Variants in CNBD1 observed in about 807,000 individuals in gnomAD.
CNBD1 encodes cyclic nucleotide-binding domain-containing protein 1.
A neutral mutation model predicts 54.4 loss-of-function variants in CNBD1; 71 were observed. The ratio of observed to expected loss-of-function variants is 1.30; its 90% CI spans 1.08 to 1.59. The LOEUF (loss-of-function observed/expected upper bound fraction) is 1.59, where lower values mean the gene tolerates loss of function less well. CNBD1 is among the 40% of genes most tolerant of loss of function. The pLI, the probability that CNBD1 is intolerant of heterozygous loss-of-function variation, is 0.00. For synonymous variants in CNBD1, 182 were observed against 170.7 expected (o/e 1.07, Z -0.51); for missense variants, 659 against 518.0 (o/e 1.27, Z -2.64).
chr8:87,298,867 G>C (rs1808933250), intron 8 of CNBD1, among the ~76,000 whole-genome samples: 1 of 152,074 alleles, frequency 6.6e-6, no homozygotes, highest in South Asian at 2.1e-4. Flanking sequence ...CTCTGTGTCA[G>C]CTACTTTCTA....
intron 8 of CNBD1, among the ~76,000 whole-genome samples, chr8:87,308,839 A>G (rs1186917905): frequency 6.6e-6 from 1 of 152,100 alleles, no homozygotes; most frequent in African/African-American, 2.4e-5. Flanking sequence ...AGAACATGCA[A>G]TATATGTCTT....
intron 4 of CNBD1, among the ~76,000 whole-genome samples, chr8:87,149,856 A>G (rs1320908271): frequency 6.6e-6 from 1 of 152,142 alleles, no homozygotes; most frequent in African/African-American, 2.4e-5. Flanking sequence ...ATCATGAGAA[A>G]ATAGAAGATA....
chr8:87,226,530 T>C (rs1814497426), intron 5 of CNBD1, among the ~76,000 whole-genome samples: 1 of 147,088 alleles, frequency 6.8e-6, no homozygotes, highest in Admixed American at 6.7e-5. Context: ...GGTTGTTCAG[T>C]TTCCATGTAG....
chr8:87,326,965 T>C (rs1266913862), intron 8 of CNBD1, among the ~76,000 whole-genome samples: 50 of 136,630 alleles, frequency 3.7e-4, no homozygotes, highest in Non-Finnish European at 5.1e-4. Flanking sequence ...ATGATGGTGA[T>C]GTACAGATGG....
intron 6 of CNBD1, among the ~76,000 whole-genome samples, chr8:87,281,999 G>A (rs1308097113): frequency 7.2e-6 from 1 of 138,582 alleles, no homozygotes; most frequent in Non-Finnish European, 1.6e-5. Flanking sequence ...TTCAATAACT[G>A]TTTTGGTTAT....
chr8:87,066,533 A>G (rs1316195546), intron 4 of CNBD1, among the ~76,000 whole-genome samples: 4 of 151,966 alleles, frequency 2.6e-5, no homozygotes, highest in African/African-American at 9.7e-5. Flanking sequence ...TGGATATTCT[A>G]AAACTTTTCA....
chr8:86,985,309 A>G (rs914083010), intron 4 of CNBD1, among the ~76,000 whole-genome samples: 3 of 152,090 alleles, frequency 2.0e-5, no homozygotes, highest in Admixed American at 6.6e-5. Flanking sequence ...AGGCTAATAC[A>G]TTAAGGTTTG....
intron 3 of CNBD1, among the ~76,000 whole-genome samples, chr8:86,936,855 C>G (rs1340426333): frequency 6.6e-6 from 1 of 151,636 alleles, no homozygotes; most frequent in Admixed American, 6.6e-5. Flanking sequence ...ATTAAAAATT[C>G]AAAGGTACAG....
At chr8:87,383,000 C>T (rs2130961528), downstream of CNBD1, 1 of 165,088 alleles carries the variant, frequency 6.1e-6, no homozygotes, top group Non-Finnish European at 1.3e-5. Context: ...TCATTTTTGA[C>T]TGTCAGGGTT....
At chr8:87,421,276 T>C (rs1029574007) in intron 2 of CNBD1, among the ~76,000 whole-genome samples, 1 of 151,958 alleles carries the variant, frequency 6.6e-6, no homozygotes, top group Non-Finnish European at 1.5e-5. Flanking sequence ...TTTATTTCTT[T>C]ATTTTTTTAT....
chr8:86,895,987 T>C (rs896091718), intron 2 of CNBD1, among the ~76,000 whole-genome samples: 2 of 152,132 alleles, frequency 1.3e-5, no homozygotes, highest in African/African-American at 4.8e-5. Context: ...ATGAGTTCTT[T>C]ATACATTTTA....
At chr8:87,047,061 C>T (rs545952785) in intron 4 of CNBD1, among the ~76,000 whole-genome samples, 6 of 152,268 alleles carry the variant, frequency 3.9e-5, no homozygotes, top group Admixed American at 2.0e-4. Context: ...TTTTATCTCA[C>T]GTGTTAGATT....
chr8:87,293,982 A>G (rs1808830249), intron 8 of CNBD1, among the ~76,000 whole-genome samples: 1 of 152,214 alleles, frequency 6.6e-6, no homozygotes, highest in African/African-American at 2.4e-5. Context: ...TTTAAATACC[A>G]TATTCATATG....
At chr8:86,978,438 T>C (rs922264110) in intron 4 of CNBD1, among the ~76,000 whole-genome samples, 1 of 152,092 alleles carries the variant, frequency 6.6e-6, no homozygotes, top group African/African-American at 2.4e-5. Flanking sequence ...AAAGTTAAGA[T>C]TGACCACAGC....
chr8:86,992,259 G>C (rs1402418968), intron 4 of CNBD1, among the ~76,000 whole-genome samples: 1 of 151,804 alleles, frequency 6.6e-6, no homozygotes. Context: ...CTTATCGTTA[G>C]GTAATGCCCT....
At chr8:87,112,832 C>T (rs915523806) in intron 4 of CNBD1, among the ~76,000 whole-genome samples, 32 of 152,256 alleles carry the variant, frequency 2.1e-4, no homozygotes, top group African/African-American at 7.0e-4. Context: ...AAAGAGTCTA[C>T]TTCCTAAGGT....
At chr8:87,154,033 C>T (rs116621224) in intron 4 of CNBD1, among the ~76,000 whole-genome samples, 2,152 of 152,094 alleles carry the variant, frequency 0.014, 50 homozygotes, top group African/African-American at 0.049. Flanking sequence ...GCCAGGCAGG[C>T]GGCAGGCAGC....
intron 4 of CNBD1, among the ~76,000 whole-genome samples, chr8:86,989,170 G>A: frequency 6.6e-6 from 1 of 152,086 alleles, no homozygotes; most frequent in Admixed American, 6.5e-5. Context: ...TACTCAGGAA[G>A]CTGAGGTGAG....
chr8:87,263,827 G>A (rs1262275671), intron 6 of CNBD1, among the ~76,000 whole-genome samples: 1 of 151,864 alleles, frequency 6.6e-6, no homozygotes, highest in African/African-American at 2.4e-5. Context: ...AACATTAGCA[G>A]GCAACAGAGA....
Sources: allele counts gnomAD v4.1 joint callset (sites outside exome capture counted in the v4.1 genomes callset), GRCh38; gene constraint gnomAD v4.1.1; transcripts MANE v1.5; gene names NCBI Gene and HGNC (gene_info 2026-07-23, HGNC 2026-07-21).